LY75: variants seen among roughly 807,000 people sequenced by gnomAD.
The protein encoded by LY75 is C-type lectin domain family 13 member B.
In LY75, 185 loss-of-function variants were observed where a neutral mutation model predicts 231.7. That is an observed-to-expected ratio of 0.80 (90% CI 0.71 to 0.90). The LOEUF is 0.90. LY75 is among the 40% of genes least tolerant of loss of function. LY75 has a pLI of 0.00. For missense variants in LY75, 1,947 were observed against 2,050.2 expected, an observed-to-expected ratio of 0.95 and a Z score of 0.97; for synonymous variants, 668 against 689.0, an observed-to-expected ratio of 0.97 and a Z score of 0.48.
chr2:159,899,017 C>A lies in LY75; in HGVS notation c.137G>T (p.Cys46Phe). The part of the protein sequence containing the change: ...FTIVHGNTGK[C>F]IKPVYGWIVA... The stretch of plus-strand genomic sequence containing the variant: ...TATCCAGCCATACACTGGCTTGATG[C>A]ACTTGCCCGTATTTCCATGGACGAT... The change falls in exon 2 of 35, where the codon TGC becomes TTC. Residue 46 changes from cysteine (C) to phenylalanine (F), a missense_variant. By Grantham distance (205) the Cys-to-Phe change is radical. Coordinates refer to ENST00000263636, the MANE Select transcript of LY75 (RefSeq NM_002349.4). 6.2e-7 allele frequency: 1 copy of A among 1,614,012 alleles called. No individual in the cohort carries two copies. Among genetic ancestry groups the A allele is most frequent in the South Asian group, 1.1e-5 (1 of 91,076 alleles).
At chr2:159,881,046 C>T in intron 8 of LY75, 37 bp downstream of exon 8, 1 of 1,594,698 alleles carries the variant, frequency 6.3e-7, no homozygotes, top group Non-Finnish European at 8.5e-7. Context: ...TTAGGTAAAA[C>T]AGGAAGAATA....
intron 2 of LY75, among the ~76,000 whole-genome samples, chr2:159,896,328 C>T (rs144205035): frequency 3.9e-5 from 6 of 152,298 alleles, no homozygotes; most frequent in Non-Finnish European, 5.9e-5. Context: ...GAGATGAACA[C>T]GACTCACACA....
intron 4 of LY75, among the ~76,000 whole-genome samples, chr2:159,889,018 T>C (rs1445790088): frequency 2.6e-5 from 4 of 152,222 alleles, no homozygotes; most frequent in Non-Finnish European, 5.9e-5. Flanking sequence ...TTGTCTTTCA[T>C]TCAAAGAATA....
At chr2:159,850,564 C>T (rs41264207) in intron 21 of LY75, 97 bp from the exon 22 acceptor site, 127,081 of 1,514,592 alleles carry the variant, frequency 0.084, 6,416 homozygotes, top group East Asian at 0.26. Flanking sequence ...TGCTAATTTT[C>T]GGTCTGTGAG....
At chr2:159,859,773 T>C (rs1045108577) in intron 15 of LY75, among the ~76,000 whole-genome samples, 1 of 152,174 alleles carries the variant, frequency 6.6e-6, no homozygotes, top group Non-Finnish European at 1.5e-5. Context: ...ATGAATACAG[T>C]AACAGTGCCT....
Position 159,853,632 on chromosome 2 carries a change from T to C in LY75, c.2661A>G (p.Thr887=). The change falls in exon 19 of 35, where the codon ACA becomes ACG. Residue 887 remains threonine (T), a splice_region_variant and synonymous_variant. Coordinates refer to ENST00000263636, the MANE Select transcript of LY75 (RefSeq NM_002349.4). ...ISEWPIDDHF[T]YSRYPWHRFP... The stretch of plus-strand genomic sequence containing the variant: ...GTAGAATCAATGATGTCACCTACTA[T>C]GTAAAATGATCATCTATTGGCCACT... 1 of 1,613,490 alleles carries C rather than the reference T, an allele frequency of 6.2e-7. No individual in the cohort carries two copies. The highest frequency in any genetic ancestry group is 8.5e-7 in the Non-Finnish European group (1 of 1,179,794).
chr2:159,857,180 C>G (rs1391801065), intron 16 of LY75, among the ~76,000 whole-genome samples: 2 of 152,186 alleles, frequency 1.3e-5, no homozygotes, highest in African/African-American at 4.8e-5. Flanking sequence ...ATCAACACAA[C>G]TGTCTTTCCC....
intron 4 of LY75, 103 bp from the exon 5 acceptor site, chr2:159,886,633 G>T: frequency 1.7e-6 from 2 of 1,187,760 alleles, no homozygotes; most frequent in African/African-American, 1.5e-5. Flanking sequence ...GACCTTGATT[G>T]TAAGGCAGCA....
chr2:159,853,262 A>AT lies in LY75; in HGVS notation c.2743+10dup. On this transcript the variant is annotated intron_variant, in intron 20 of 34. Transcript: ENST00000263636. ...CATAATCAGCATTAAAGGATTTAGA[A>AT]TTAACTTTACCGATAAGCCAAGTCT... 1 of 1,610,484 alleles carries AT rather than the reference A, an allele frequency of 6.2e-7. No individual in the cohort carries two copies. Among genetic ancestry groups the AT allele is most frequent in the Non-Finnish European group, 8.5e-7 (1 of 1,177,280 alleles).
intron 32 of LY75, among the ~76,000 whole-genome samples, chr2:159,810,306 A>C (rs1422417130): frequency 6.6e-6 from 1 of 152,242 alleles, no homozygotes; most frequent in African/African-American, 2.4e-5. Context: ...TGCTGGGATT[A>C]CAGGCGTTTT....
intron 23 of LY75, among the ~76,000 whole-genome samples, chr2:159,847,045 T>G (rs952140726): frequency 3.9e-5 from 6 of 152,196 alleles, no homozygotes; most frequent in African/African-American, 1.4e-4. Context: ...GGAATCTCGC[T>G]CTGTCGCCCA....
At chr2:159,899,464 A>G (rs773526336) in intron 1 of LY75, among the ~76,000 whole-genome samples, 10 of 152,234 alleles carry the variant, frequency 6.6e-5, no homozygotes, top group Non-Finnish European at 1.3e-4. Context: ...TAATAAGACA[A>G]AAGAAGCTCT....
chr2:159,849,837 C>A, intron 23 of LY75, 143 bp downstream of exon 23: 1 of 1,085,294 alleles, frequency 9.2e-7, no homozygotes, highest in South Asian at 1.8e-5. Flanking sequence ...AATCACTAAC[C>A]TACTTACTAT....
chr2:159,899,376 A>C (rs913834461), intron 1 of LY75, among the ~76,000 whole-genome samples: 36 of 152,322 alleles, frequency 2.4e-4, no homozygotes, highest in African/African-American at 8.2e-4. Context: ...GCATGAAAGG[A>C]GCTAATCCAT....
chr2:159,840,011 A>AAAAAAAAAAAAAG (rs1258423819), intron 25 of LY75, among the ~76,000 whole-genome samples: 1 of 150,064 alleles, frequency 6.7e-6, no homozygotes. Flanking sequence ...GTCTCAAAAA[A>AAAAAAAAAAAAAG]AAAAAAAAGA....
intron 15 of LY75, among the ~76,000 whole-genome samples, chr2:159,859,646 A>G (rs921168004): frequency 9.2e-5 from 14 of 152,240 alleles, no homozygotes; most frequent in Non-Finnish European, 1.6e-4. Context: ...GTCATATAGC[A>G]TAGTGGTTAA....
At chr2:159,840,483 G>T (rs1274273730) in intron 25 of LY75, among the ~76,000 whole-genome samples, 1 of 151,836 alleles carries the variant, frequency 6.6e-6, no homozygotes, top group Non-Finnish European at 1.5e-5. Context: ...GAGGTGGGAG[G>T]ATCGCTTGAG....
chr2:159,838,472 G>C (rs1476246781), intron 25 of LY75, among the ~76,000 whole-genome samples: 4 of 152,132 alleles, frequency 2.6e-5, no homozygotes, highest in African/African-American at 9.7e-5. Context: ...TAACTTGAAA[G>C]ATCCATACCA....
Position 159,815,436 on chromosome 2 carries a change from C to T in LY75, c.4518G>A (p.Lys1506=), listed in dbSNP as rs142810241. Residue 1506 remains lysine, a synonymous_variant, in exon 31 of 35, where the codon AAG becomes AAA. Transcript: ENST00000263636. ...TWKHEKCNSV[K]DGAICYKPTK... ...TAGGTTTATAACAAATAGCACCATC[C>T]TTAACAGAGTTGCATTTTTCATGTT... The T allele has an allele frequency of 1.2e-6, 2 of 1,612,132 alleles. No homozygotes were observed. The highest frequency in any genetic ancestry group is 2.7e-5 in the African/African-American group (2 of 74,834).
Sources: allele counts gnomAD v4.1 joint callset (sites outside exome capture counted in the v4.1 genomes callset), GRCh38; gene constraint gnomAD v4.1.1; transcripts MANE v1.5; gene names NCBI Gene and HGNC (gene_info 2026-07-23, HGNC 2026-07-21).